PAPPA2: variants seen among roughly 807,000 people sequenced by gnomAD.
The protein encoded by PAPPA2 is pappalysin 2.
In PAPPA2, 86 loss-of-function variants were observed where a neutral mutation model predicts 176.4. That is an observed-to-expected ratio of 0.49 (90% CI 0.41 to 0.58). The LOEUF (loss-of-function observed/expected upper bound fraction) is 0.58. Among genes scored for constraint, PAPPA2 ranks in the 20% least tolerant of loss-of-function variants. The pLI is 0.00. For missense variants in PAPPA2, 2,073 were observed against 2,256.9 expected (o/e 0.92, Z 1.65); for synonymous variants, 809 against 852.2 (o/e 0.95, Z 0.88).
chr1:176,683,675 T>A (rs566307813), intron 4 of PAPPA2, among the ~76,000 whole-genome samples: 1 of 152,130 alleles, frequency 6.6e-6, no homozygotes, highest in East Asian at 1.9e-4. Context: ...TGATGCTGGT[T>A]ACCTGAGATG....
At chr1:176,834,617 G>A (rs904551485) in intron 21 of PAPPA2, among the ~76,000 whole-genome samples, 3 of 152,218 alleles carry the variant, frequency 2.0e-5, no homozygotes, top group Admixed American at 6.5e-5. Flanking sequence ...CTCCGAAGGA[G>A]CAACAGTGCC....
At chr1:176,728,014 A>C (rs1661963892) in intron 12 of PAPPA2, among the ~76,000 whole-genome samples, 1 of 151,998 alleles carries the variant, frequency 6.6e-6, no homozygotes, top group Non-Finnish European at 1.5e-5. Context: ...CTTACAGGGA[A>C]ATTTATAGCA....
In PAPPA2 at chr1:176,556,663, A is replaced by G. The variant is rs763069373; in HGVS notation, c.341A>G (p.Asn114Ser). ...CTTGTTCCCCCAGACCTGACTGAAA[A>G]TCCAGCAGGACTGAGGGGTGCAGTT... ...VSLVPPDLTE[N>S]PAGLRGAVEE... The change falls in exon 2 of 23, where the codon AAT (asparagine) becomes AGT (serine). Residue 114 changes from asparagine (N) to serine (S), a missense_variant. Coordinates refer to ENST00000367662, the MANE Select transcript of PAPPA2 (RefSeq NM_020318.3). 2.5e-6 allele frequency: 4 copies of G among 1,614,124 alleles called. No homozygotes were observed. Among genetic ancestry groups the G allele is most frequent in the Non-Finnish European group, 3.4e-6 (4 of 1,179,998 alleles).
rs1165832425 is a variant in PAPPA2, at chr1:176,539,249, G to A, written c.-916-16158G>A. Among the ~76,000 whole-genome samples, 6 of 152,274 alleles carry A rather than the reference G, an allele frequency of 3.9e-5. No individual in the cohort carries two copies. The East Asian group carries it at 7.8e-4, about 20-fold the overall frequency. ...CTGGCTGCCAGGATTTGTATGGAAC[G>A]TAGGGTATGAGCTGGGGCTGAATAA... On this transcript the variant is annotated intron_variant, in intron 1 of 22. Coordinates refer to ENST00000367662, the MANE Select transcript of PAPPA2 (RefSeq NM_020318.3).
intron 21 of PAPPA2, among the ~76,000 whole-genome samples, chr1:176,838,897 G>C (rs1667376500): frequency 1.3e-5 from 2 of 152,168 alleles, no homozygotes; most frequent in South Asian, 4.1e-4. Context: ...AATGACATCA[G>C]GATCCCATAG....
intron 12 of PAPPA2, among the ~76,000 whole-genome samples, chr1:176,724,463 C>T (rs1030845970): frequency 2.0e-5 from 3 of 152,156 alleles, no homozygotes; most frequent in Non-Finnish European, 4.4e-5. Context: ...TCAACATATG[C>T]AAAATCATAT....
chr1:176,820,434 A>G (rs1666610972), intron 21 of PAPPA2, among the ~76,000 whole-genome samples: 1 of 152,176 alleles, frequency 6.6e-6, no homozygotes, highest in African/African-American at 2.4e-5. Context: ...CCATGGTGAG[A>G]GGCCGCCACT....
chr1:176,674,750 CT>C (rs1659195603), intron 4 of PAPPA2, among the ~76,000 whole-genome samples: 1 of 81,234 alleles, frequency 1.2e-5, no homozygotes, highest in South Asian at 3.8e-4. Flanking sequence ...TTTTTTTTTT[CT>C]TTTCTCCATA....
chr1:176,479,069 A>G (rs1021224089), intron 1 of PAPPA2, among the ~76,000 whole-genome samples: 3 of 152,192 alleles, frequency 2.0e-5, no homozygotes, highest in African/African-American at 4.8e-5. Context: ...CTCAAAAAAC[A>G]TTTTAGACCC....
At chr1:176,700,989 G>T (rs1225513958) in intron 8 of PAPPA2, among the ~76,000 whole-genome samples, 1 of 151,760 alleles carries the variant, frequency 6.6e-6, no homozygotes, top group African/African-American at 2.4e-5. Context: ...ATGTCATTTT[G>T]AACTTCTTAA....
Position 176,791,463 on chromosome 1 carries a change from T to C in PAPPA2, c.5001T>C (p.Cys1667=). 6.2e-7 allele frequency: 1 copy of C among 1,613,816 alleles called. No homozygotes were observed. The stretch of plus-strand genomic sequence containing the variant: ...AGCTGAATTCTGTGGAGTACAAATG[T>C]GAACAAGGATATGGGATTGGTAAGG... ...PSELNSVEYK[C]EQGYGIGAVC... Residue 1667 remains cysteine (C), a synonymous_variant, in exon 19 of 23, where the codon TGT becomes TGC. Coordinates refer to ENST00000367662, the MANE Select transcript of PAPPA2 (RefSeq NM_020318.3).
At position 176,594,803 on chromosome 1, in the gene PAPPA2, T is replaced by G. The variant is rs760747521; in HGVS notation, c.1199T>G (p.Met400Arg). ...TCTGGTCCCCTGAACAGCCCCTTCATGGCATCTTGCCGCTCTTTGCTCCTG... is the reference window on the plus strand; with the variant it reads ...TCTGGTCCCCTGAACAGCCCCTTCAGGGCATCTTGCCGCTCTTTGCTCCTG... ...DQSGPLNSPF[M>R]ASCRSLLLGG... is the part of the protein sequence containing the mutation. The change falls in exon 3 of 23, where the codon ATG (methionine) becomes AGG (arginine). Residue 400 changes from methionine (M) to arginine (R), a missense_variant. By Grantham distance (91) the Met-to-Arg change is moderately conservative. Transcript: ENST00000367662. 1.2e-5 allele frequency: 20 copies of G among 1,614,084 alleles called. No individual in the cohort carries two copies. The highest frequency in any genetic ancestry group is 1.7e-5 in the Non-Finnish European group (20 of 1,180,030).
intron 21 of PAPPA2, among the ~76,000 whole-genome samples, chr1:176,810,403 G>T (rs1453299625): frequency 6.6e-6 from 1 of 152,120 alleles, no homozygotes; most frequent in African/African-American, 2.4e-5. Flanking sequence ...CAGTGTCGGT[G>T]GGGGGAGTTT....
At position 176,556,213 on chromosome 1, in the gene PAPPA2, T is replaced by C. The variant is rs575873345; in HGVS notation, c.-110T>C. Reference sequence around the variant, plus strand: ...AGTTTGGTCTGTGAACAAAACAGTTTCCCTGGTGACTGCAAATCCATTGCT... The same window carrying C: ...AGTTTGGTCTGTGAACAAAACAGTTCCCCTGGTGACTGCAAATCCATTGCT... On this transcript the variant is annotated 5_prime_UTR_variant, in exon 2 of 23. Transcript: ENST00000367662. The C allele has an allele frequency of 1.4e-4, 177 of 1,291,230 alleles. 1 individual carries two copies. The South Asian group carries it at 2.3e-3, about 17-fold the overall frequency. 80.0% of individuals were successfully genotyped at this position (1,291,230 alleles called of 1,614,324 possible).
At chr1:176,604,203 A>T (rs758310694) in intron 3 of PAPPA2, among the ~76,000 whole-genome samples, 18 of 152,170 alleles carry the variant, frequency 1.2e-4, no homozygotes, top group Non-Finnish European at 2.4e-4. Context: ...CTCACGTAAA[A>T]TTGTACACAT....
intron 1 of PAPPA2, among the ~76,000 whole-genome samples, chr1:176,515,282 G>A (rs924020057): frequency 6.6e-6 from 1 of 152,122 alleles, no homozygotes; most frequent in Non-Finnish European, 1.5e-5. Flanking sequence ...TTCTGACCAG[G>A]CTAACGGGAA....
intron 20 of PAPPA2, among the ~76,000 whole-genome samples, chr1:176,799,785 C>A (rs982162055): frequency 2.6e-5 from 4 of 152,148 alleles, no homozygotes; most frequent in Non-Finnish European, 5.9e-5. Context: ...TTAAACCACA[C>A]TACACCACTC....
At chr1:176,506,504 T>A (rs1452816620) in intron 1 of PAPPA2, among the ~76,000 whole-genome samples, 1 of 152,152 alleles carries the variant, frequency 6.6e-6, no homozygotes, top group Non-Finnish European at 1.5e-5. Context: ...TTTTTCTATT[T>A]ATTTGTGTCA....
chr1:176,638,737 C>G (rs1043412218), intron 3 of PAPPA2, among the ~76,000 whole-genome samples: 3 of 151,398 alleles, frequency 2.0e-5, no homozygotes, highest in Non-Finnish European at 4.4e-5. Flanking sequence ...ATTTTTTTTT[C>G]TCCTTCTGGT....
Sources: allele counts gnomAD v4.1 joint callset (sites outside exome capture counted in the v4.1 genomes callset), GRCh38; gene constraint gnomAD v4.1.1; transcripts MANE v1.5; gene names NCBI Gene and HGNC (gene_info 2026-07-23, HGNC 2026-07-21).